The following WNK1 variants were observed in gnomAD, a reference collection of about 807,000 sequenced individuals.
WNK1 encodes the protein serine/threonine-protein kinase WNK1.
WNK1 carries 38 observed loss-of-function variants against 222.8 expected under a neutral mutation model. The ratio of observed to expected loss-of-function variants is 0.17; its 90% CI spans 0.13 to 0.22. The LOEUF (loss-of-function observed/expected upper bound fraction) is 0.22, where lower values mean the gene tolerates loss of function less well. WNK1 is among the 10% of genes least tolerant of loss of function. WNK1 has a pLI of 1.00. For synonymous variants in WNK1, 1,090 were observed against 1,092.9 expected, an observed-to-expected ratio of 1.00 and a Z score of 0.05; for missense variants, 2,348 against 2,918.4, an observed-to-expected ratio of 0.80 and a Z score of 4.50.
intron 2 of WNK1, among the ~76,000 whole-genome samples, chr12:823,119 C>A (rs1248721093): frequency 2.6e-5 from 4 of 152,116 alleles, no homozygotes; most frequent in Admixed American, 1.3e-4. Context: ...CTGCTTTCTG[C>A]CCTCTATGGT....
chr12:888,845 A>G (rs1448789811), intron 20 of WNK1, among the ~76,000 whole-genome samples: 1 of 152,232 alleles, frequency 6.6e-6, no homozygotes, highest in Non-Finnish European at 1.5e-5. Flanking sequence ...GCACAAATAA[A>G]TAACTCTTTC....
chr12:851,670 A>T, intron 4 of WNK1: 1 of 1,311,082 alleles, frequency 7.6e-7, no homozygotes, highest in Non-Finnish European at 1.0e-6. Context: ...TCCTCCAATA[A>T]GAAATCTGTT....
intron 4 of WNK1, among the ~76,000 whole-genome samples, chr12:830,975 A>G (rs897276760): frequency 2.0e-4 from 31 of 152,152 alleles, no homozygotes; most frequent in African/African-American, 6.5e-4. Flanking sequence ...TTCTGCATGC[A>G]TGTCAGAGAT....
At chr12:864,421 T>C (rs2154068396) in intron 8 of WNK1, among the ~76,000 whole-genome samples, 1 of 152,284 alleles carries the variant, frequency 6.6e-6, no homozygotes, top group South Asian at 2.1e-4. Flanking sequence ...TAAATTATTA[T>C]TTAGAGATTC....
At chr12:878,505 C>T in intron 10 of WNK1, 144 bp downstream of exon 10, 1 of 896,456 alleles carries the variant, frequency 1.1e-6, no homozygotes. Context: ...GTAGGTTAAT[C>T]TCATTGCAGA....
chr12:813,094 C>T (rs1947051822), intron 1 of WNK1, among the ~76,000 whole-genome samples: 1 of 152,070 alleles, frequency 6.6e-6, no homozygotes, highest in Non-Finnish European at 1.5e-5. Context: ...ATTAGCCGGG[C>T]AAGGTGGCAC....
chr12:807,355 A>G (rs1946463005), intron 1 of WNK1, among the ~76,000 whole-genome samples: 1 of 150,280 alleles, frequency 6.7e-6, no homozygotes, highest in Admixed American at 6.6e-5. Context: ...TATTTCTTTA[A>G]GTGAAAGCCA....
chr12:801,610 G>A (rs1052102259), intron 1 of WNK1, among the ~76,000 whole-genome samples: 3 of 148,924 alleles, frequency 2.0e-5, no homozygotes, highest in Non-Finnish European at 4.4e-5. Context: ...GTCTTGCTCT[G>A]TTGCCCAGGC....
chr12:823,468 C>T (rs1948076233), intron 2 of WNK1, among the ~76,000 whole-genome samples: 1 of 152,164 alleles, frequency 6.6e-6, no homozygotes, highest in Non-Finnish European at 1.5e-5. Flanking sequence ...CATTTCTGCT[C>T]CTCAGACTGT....
Position 868,541 on chromosome 12 carries a change from C to T in WNK1, c.2140-2724C>T, listed in dbSNP as rs760125099. 2.2e-5 allele frequency: 36 copies of T among 1,613,740 alleles called. No individual in the cohort carries two copies. The highest frequency in any genetic ancestry group is 3.3e-5 in the South Asian group (3 of 91,078). Reference sequence around the variant, plus strand: ...TGCACCTATCAGTACAGATGCTACACGTTTGAAATTTCACCCTGTCTTTGT... The same window carrying T: ...TGCACCTATCAGTACAGATGCTACATGTTTGAAATTTCACCCTGTCTTTGT... On this transcript the variant is annotated intron_variant, in intron 8 of 27. Transcript: ENST00000315939.
intron 2 of WNK1, among the ~76,000 whole-genome samples, chr12:819,421 G>A (rs1270052484): frequency 6.6e-6 from 1 of 152,062 alleles, no homozygotes; most frequent in African/African-American, 2.4e-5. Flanking sequence ...TACCAGTTAA[G>A]CCTCCCAAAT....
intron 1 of WNK1, among the ~76,000 whole-genome samples, chr12:770,314 G>A (rs1043289481): frequency 1.2e-4 from 19 of 152,156 alleles, no homozygotes; most frequent in Non-Finnish European, 2.5e-4. Flanking sequence ...TGGGGAGGAA[G>A]CATTTAGACC....
intron 1 of WNK1, among the ~76,000 whole-genome samples, chr12:799,201 G>T (rs1245321355): frequency 2.0e-5 from 3 of 152,014 alleles, no homozygotes; most frequent in Non-Finnish European, 4.4e-5. Flanking sequence ...TCAGCTTACA[G>T]CAGCCTCAAC....
chr12:888,046 A>G (rs890305317), intron 20 of WNK1, among the ~76,000 whole-genome samples: 3 of 152,362 alleles, frequency 2.0e-5, no homozygotes, highest in South Asian at 4.1e-4. Flanking sequence ...AATTTCCATA[A>G]GAAAAGTACT....
At chr12:767,702 G>A (rs1462212655) in intron 1 of WNK1, among the ~76,000 whole-genome samples, 1 of 152,122 alleles carries the variant, frequency 6.6e-6, no homozygotes, top group Non-Finnish European at 1.5e-5. Context: ...GCCAGTTTAT[G>A]TCATTGAAGT....
intron 2 of WNK1, among the ~76,000 whole-genome samples, chr12:822,485 T>C (rs191756099): frequency 6.6e-6 from 1 of 152,338 alleles, no homozygotes; most frequent in East Asian, 1.9e-4. Context: ...ATTTTTCTTT[T>C]GTAGTATACC....
chr12:754,399 C>A, intron 1 of WNK1, 75 bp downstream of exon 1: 1 of 1,588,672 alleles, frequency 6.3e-7, no homozygotes, highest in Non-Finnish European at 8.6e-7. Flanking sequence ...TGATCGAGTT[C>A]ACCCTTCACT....
chr12:813,773 T>C lies in WNK1; in HGVS notation c.891T>C (p.Ile297=). The C allele has an allele frequency of 6.2e-7, 1 of 1,614,014 alleles. No individual in the cohort carries two copies. The highest frequency in any genetic ancestry group is 8.5e-7 in the Non-Finnish European group (1 of 1,179,976). Residue 297 remains isoleucine, a synonymous_variant, in exon 2 of 28, where the codon ATT becomes ATC. Coordinates refer to ENST00000315939, the MANE Select transcript of WNK1 (RefSeq NM_018979.4). ...WESTVKGKKC[I]VLVTELMTSG... is the part of the protein sequence containing the mutation. Reference sequence around the variant, plus strand: ...CCACAGTAAAAGGAAAGAAGTGCATTGTTTTGGTGACTGAACTTATGACGT... The same window carrying C: ...CCACAGTAAAAGGAAAGAAGTGCATCGTTTTGGTGACTGAACTTATGACGT...
intron 4 of WNK1, among the ~76,000 whole-genome samples, chr12:848,772 G>T (rs1028221151): frequency 5.3e-5 from 8 of 152,070 alleles, no homozygotes; most frequent in Non-Finnish European, 8.8e-5. Flanking sequence ...AATAAGTTTA[G>T]ATATGTAAAC....
Sources: allele counts gnomAD v4.1 joint callset (sites outside exome capture counted in the v4.1 genomes callset), GRCh38; gene constraint gnomAD v4.1.1; transcripts MANE v1.5; gene names NCBI Gene and HGNC (gene_info 2026-07-23, HGNC 2026-07-21).